The following RMND1 variants were observed in gnomAD, a reference collection of about 807,000 sequenced individuals.
RMND1 encodes the protein required for meiotic nuclear division protein 1 homolog.
In RMND1, 41 loss-of-function variants were observed where a neutral mutation model predicts 54.0. The ratio of observed to expected loss-of-function variants is 0.76; its 90% confidence interval spans 0.59 to 0.98. The LOEUF is 0.98. Ranked by LOEUF, RMND1 falls within the 50% of genes least tolerant of loss-of-function variation. The pLI is 0.00. For synonymous variants in RMND1, 183 were observed against 181.7 expected (o/e 1.01, Z -0.06); for missense variants, 457 against 532.0 (o/e 0.86, Z 1.39).
At chr6:151,430,393 G>C (rs1363530611) in intron 4 of RMND1, among the ~76,000 whole-genome samples, 2 of 152,134 alleles carry the variant, frequency 1.3e-5, no homozygotes, top group East Asian at 3.9e-4. Flanking sequence ...CAAAATTTAT[G>C]ATTTCTCACA....
intron 10 of RMND1, among the ~76,000 whole-genome samples, chr6:151,406,428 C>G (rs1413398884): frequency 6.6e-6 from 1 of 151,972 alleles, no homozygotes; most frequent in Non-Finnish European, 1.5e-5. Context: ...AATGGCGGAT[C>G]TCGGCTCACT....
rs11295311 is a variant in RMND1, at chr6:151,419,671, TAAA to T, written c.1079+1571_1079+1573del. Among the ~76,000 whole-genome samples, 213 of 117,082 alleles carry T rather than the reference TAAA, an allele frequency of 1.8e-3. 2 individuals carry two copies. Among genetic ancestry groups the T allele is most frequent in the African/African-American group, 6.6e-3 (197 of 29,962 alleles). 76.8% of individuals were successfully genotyped at this position (117,082 alleles called of 152,430 possible). ...TCTGGGTGACAAGCAAGACCCTGTT[TAAA>T]AAAAAAAAAAAAAAAAGTAACACAT... On this transcript the variant is annotated intron_variant, in intron 9 of 11. Transcript: ENST00000444024.
At chr6:151,421,192 T>G in intron 9 of RMND1, 53 bp downstream of exon 9, 2 of 1,300,804 alleles carry the variant, frequency 1.5e-6, no homozygotes, top group South Asian at 2.5e-5. Flanking sequence ...TGGGAATGTT[T>G]TCTTGAGATT....
chr6:151,418,448 T>C (rs1246915350), intron 9 of RMND1: 1 of 152,090 alleles, frequency 6.6e-6, no homozygotes, highest in Non-Finnish European at 1.5e-5. Context: ...CCACACTTTT[T>C]TGTTTTTTAT....
In RMND1 at chr6:151,435,147, CTATT is replaced by C. The variant is rs952165448; in HGVS notation, c.613+1295_613+1298del. On this transcript the variant is annotated intron_variant, in intron 3 of 11. Transcript: ENST00000444024. ...ACAGGTATGAGGCATCACGCCCGGC[CTATT>C]TATTTATTTTTTAAGACAGAGTCTC... 4.0e-5 allele frequency among the ~76,000 whole-genome samples: 6 copies of C among 149,592 alleles called. No homozygotes were observed. In the East Asian group the frequency reaches 6.0e-4, roughly 15 times the overall value.
intron 2 of RMND1, among the ~76,000 whole-genome samples, chr6:151,439,617 T>A (rs1780712053): frequency 6.6e-6 from 1 of 152,218 alleles, no homozygotes; most frequent in Non-Finnish European, 1.5e-5. Flanking sequence ...CAAGGTCTGT[T>A]AATGGCGGTG....
chr6:151,451,285 C>T (rs1018458365), intron 1 of RMND1, among the ~76,000 whole-genome samples: 31 of 151,614 alleles, frequency 2.0e-4, no homozygotes, highest in African/African-American at 7.5e-4. Context: ...ACATCACTTG[C>T]ACACCTTTAA....
chr6:151,449,405 C>T (rs934229814), intron 1 of RMND1, among the ~76,000 whole-genome samples: 1 of 151,604 alleles, frequency 6.6e-6, no homozygotes, highest in Non-Finnish European at 1.5e-5. Flanking sequence ...CTCAGAATGG[C>T]CTGCATGGCA....
chr6:151,414,487 G>A (rs137882092), intron 10 of RMND1, among the ~76,000 whole-genome samples: 4 of 152,218 alleles, frequency 2.6e-5, no homozygotes, highest in African/African-American at 7.2e-5. Context: ...AGGTATCTGA[G>A]GTTAGGTATT....
At chr6:151,409,584 G>A (rs1779742276) in intron 10 of RMND1, among the ~76,000 whole-genome samples, 1 of 152,186 alleles carries the variant, frequency 6.6e-6, no homozygotes, top group Admixed American at 6.5e-5. Context: ...CCAAGAACAG[G>A]CAAGAAAATA....
chr6:151,428,490 C>A (rs1780367197), intron 5 of RMND1, among the ~76,000 whole-genome samples: 1 of 152,192 alleles, frequency 6.6e-6, no homozygotes, highest in South Asian at 2.1e-4. Flanking sequence ...TGTGGGAATA[C>A]TTCTTTAGGA....
intron 10 of RMND1, among the ~76,000 whole-genome samples, chr6:151,411,032 T>A (rs1779816304): frequency 6.6e-6 from 1 of 152,178 alleles, no homozygotes; most frequent in Non-Finnish European, 1.5e-5. Flanking sequence ...CAATCTCAGC[T>A]CATCGGAACC....
chr6:151,410,328 T>G (rs757478586), intron 10 of RMND1, among the ~76,000 whole-genome samples: 1 of 152,200 alleles, frequency 6.6e-6, no homozygotes, highest in Non-Finnish European at 1.5e-5. Context: ...ATGCTGGGAT[T>G]ACAGGCATGA....
At chr6:151,409,482 G>T (rs1036390396) in intron 10 of RMND1, among the ~76,000 whole-genome samples, 15 of 152,178 alleles carry the variant, frequency 9.9e-5, no homozygotes, top group Non-Finnish European at 1.5e-4. Context: ...TTTCTGGGGT[G>T]GGGGGGAATT....
chr6:151,429,314 G>T (rs1780390524), intron 5 of RMND1, among the ~76,000 whole-genome samples: 1 of 151,828 alleles, frequency 6.6e-6, no homozygotes, highest in Non-Finnish European at 1.5e-5. Context: ...TAGACATGGG[G>T]TTCACCATGT....
chr6:151,433,186 C>A lies in RMND1; in HGVS notation c.658G>T (p.Glu220Ter), dbSNP rs746055095. Reference protein sequence around the residue: ...LVMGVENSAKEGDPGTIFFFR... With the variant: ...LVMGVENSAK Reference sequence around the variant, plus strand: ...AAGAATATTGTTCCAGGATCACCTTCTTTTGCAGAATTTTCCACACCCATC... The same window carrying A: ...AAGAATATTGTTCCAGGATCACCTTATTTTGCAGAATTTTCCACACCCATC... Residue 220 changes from glutamate (E) to a stop codon, truncating the protein, a stop_gained, in exon 4 of 12, where the codon GAA becomes TAA. Transcript: ENST00000444024. LOFTEE classifies it high-confidence loss of function. The A allele has an allele frequency of 1.2e-6, 2 of 1,612,586 alleles. No individual in the cohort carries two copies. Among genetic ancestry groups the A allele is most frequent in the African/African-American group, 2.7e-5 (2 of 74,884 alleles).
intron 2 of RMND1, chr6:151,444,457 T>C (rs1055554769): frequency 2.9e-4 from 44 of 152,222 alleles, no homozygotes; most frequent in African/African-American, 1.0e-3. Flanking sequence ...TAAAGGTATG[T>C]ATGTATACCT....
At chr6:151,443,720 A>G (rs1199173708) in intron 2 of RMND1, among the ~76,000 whole-genome samples, 6 of 152,344 alleles carry the variant, frequency 3.9e-5, no homozygotes, top group Admixed American at 1.3e-4. Context: ...AATGTCTCCT[A>G]TAACAGAATC....
chr6:151,410,907 A>C (rs1779812748), intron 10 of RMND1, among the ~76,000 whole-genome samples: 1 of 152,214 alleles, frequency 6.6e-6, no homozygotes, highest in Admixed American at 6.6e-5. Flanking sequence ...ACAAGATCAT[A>C]CTGCCTGTAA....
Sources: gnomAD v4.1 joint callset for allele counts (sites outside exome capture counted in the v4.1 genomes callset) on GRCh38, gnomAD v4.1.1 for gene constraint, MANE v1.5 for transcripts, NCBI Gene and HGNC (gene_info 2026-07-23, HGNC 2026-07-21) for gene names.